The following MCAT variants were observed in gnomAD, a reference collection of about 807,000 sequenced individuals.
The protein encoded by MCAT is malonyl-CoA-acyl carrier protein transacylase, mitochondrial.
Under a neutral mutation model 22.9 loss-of-function variants are expected in MCAT, and 22 were observed. That is an observed-to-expected ratio of 0.96 (90% CI 0.69 to 1.37). MCAT has a LOEUF of 1.37. MCAT is among the 40% of genes most tolerant of loss of function. The probability of loss-of-function intolerance (pLI) is 0.00; values close to 1 mark genes in which losing one functional copy is unlikely to be tolerated. For synonymous variants in MCAT, 240 were observed against 233.9 expected (o/e 1.03, Z -0.24); for missense variants, 534 against 533.6 (o/e 1.00, Z -0.01).
chr22:43,142,796 C>T, intron 1 of MCAT, 130 bp downstream of exon 1: 1 of 901,000 alleles, frequency 1.1e-6, no homozygotes, highest in Non-Finnish European at 1.5e-6. Context: ...CAAAAACAAA[C>T]AAAAAAAAAA....
chr22:43,142,831 G>A, intron 1 of MCAT, 95 bp downstream of exon 1: 1 of 1,294,016 alleles, frequency 7.7e-7, no homozygotes, highest in South Asian at 1.7e-5. Context: ...GTAAGACGTG[G>A]GAGCCCCCGG....
Position 43,133,401 on chromosome 22 carries a change from C to T in MCAT, c.815G>A (p.Arg272His), listed in dbSNP as rs371131732. 18 of 1,613,994 alleles carry T rather than the reference C, an allele frequency of 1.1e-5. No homozygotes were observed. The highest frequency in any genetic ancestry group is 1.6e-4 in the Middle Eastern group (1 of 6,062). ...MLPVSGAFHT[R>H]LMEPAVEPLT... ...GGGCTCCACGGCTGGCTCCATGAGG[C>T]GGGTGTGGAATGCGCCACTAACCGG... is the stretch of plus-strand genomic sequence containing the variant. Residue 272 changes from arginine to histidine, a missense_variant, in exon 4 of 4, where the codon CGC becomes CAC. By Grantham distance (29) the Arg-to-His change is conservative. Coordinates refer to ENST00000290429, the MANE Select transcript of MCAT (RefSeq NM_173467.5).
rs1346949652 is a variant in MCAT, at chr22:43,143,362, C to A, written c.-14G>T. On this transcript the variant is annotated 5_prime_UTR_variant, in exon 1 of 4. Coordinates refer to ENST00000290429, the MANE Select transcript of MCAT (RefSeq NM_173467.5). ...CCGGACGCTCATGGTCGGACACCTG[C>A]CCGCGCGCGTTACCGTGGCGACCGA... 5.9e-6 allele frequency: 8 copies of A among 1,354,356 alleles called. No homozygotes were observed. The highest frequency in any genetic ancestry group is 7.6e-6 in the Non-Finnish European group (8 of 1,058,954). 83.9% of individuals were successfully genotyped at this position (1,354,356 alleles called of 1,614,324 possible).
rs764245496 is a variant in MCAT, at chr22:43,137,191, C to T, written c.619G>A (p.Ala207Thr). The T allele has an allele frequency of 9.9e-6, 16 of 1,614,062 alleles. No individual in the cohort carries two copies. The highest frequency in any genetic ancestry group is 2.2e-5 in the East Asian group (1 of 44,898). ...CAGTGTTCCCGGGCTTCCAAACAGG[C>T]GAAGTTGAACTTGGACTGAGGCTGG... is the stretch of plus-strand genomic sequence containing the variant. ...LGQPQSKFNF[A>T]CLEAREHCKS... The change falls in exon 3 of 4, where the codon GCC (alanine) becomes ACC (threonine). Residue 207 changes from alanine (A) to threonine (T), a missense_variant. Transcript: ENST00000290429.
In MCAT at chr22:43,143,137, C is replaced by A; in HGVS notation, c.212G>T (p.Gly71Val). 6.3e-7 allele frequency: 1 copy of A among 1,595,588 alleles called. No homozygotes were observed. ...GCGGCCCATGCCCACCACCTGGCTGCCCTGGCCCGGGAAGAGCAGCACGGA... is the reference window on the plus strand; with the variant it reads ...GCGGCCCATGCCCACCACCTGGCTGACCTGGCCCGGGAAGAGCAGCACGGA... ...QCSVLLFPGQ[G>V]SQVVGMGRGL... The change falls in exon 1 of 4, where the codon GGC becomes GTC. Residue 71 changes from glycine (G) to valine (V), a missense_variant. By Grantham distance (109) the Gly-to-Val change is moderately radical. Coordinates refer to ENST00000290429, the MANE Select transcript of MCAT (RefSeq NM_173467.5).
At chr22:43,137,735 G>GTTTTTT (rs369123320) in intron 2 of MCAT, among the ~76,000 whole-genome samples, 1 of 146,398 alleles carries the variant, frequency 6.8e-6, no homozygotes, top group East Asian at 2.0e-4. Context: ...TAGCGCCACT[G>GTTTTTT]TTTTTTTTTT....
intron 2 of MCAT, among the ~76,000 whole-genome samples, chr22:43,138,869 C>A (rs1930693306): frequency 6.6e-6 from 1 of 152,196 alleles, no homozygotes; most frequent in African/African-American, 2.4e-5. Flanking sequence ...CAGTGTTTCA[C>A]AGGTCAACAG....
intron 2 of MCAT, among the ~76,000 whole-genome samples, chr22:43,139,437 G>T (rs748658919): frequency 3.9e-5 from 6 of 152,066 alleles, no homozygotes; most frequent in African/African-American, 7.3e-5. Flanking sequence ...GAAGCGGGAG[G>T]ATCACTTGAG....
rs1261644650 is a variant in MCAT, at chr22:43,133,000, C to A, written c.*43G>T. 5 of 1,582,540 alleles carry A rather than the reference C, an allele frequency of 3.2e-6. No homozygotes were observed. The highest frequency in any genetic ancestry group is 1.1e-5 in the South Asian group (1 of 89,664). ...CGACAGGCACAGCCTACAGCCTCTC[C>A]TCAGGAGGACAGAGGGGGTCATCGC... is the stretch of plus-strand genomic sequence containing the variant. On this transcript the variant is annotated 3_prime_UTR_variant, in exon 4 of 4. Coordinates refer to ENST00000290429, the MANE Select transcript of MCAT (RefSeq NM_173467.5).
intron 2 of MCAT, among the ~76,000 whole-genome samples, chr22:43,138,001 C>T (rs190688728): frequency 5.1e-4 from 77 of 149,860 alleles, no homozygotes; most frequent in African/African-American, 1.7e-3. Context: ...TGAGGCAGGA[C>T]GGCTTGAGCC....
In MCAT at chr22:43,143,000, T is replaced by A; in HGVS notation, c.349A>T (p.Thr117Ser). Residue 117 changes from threonine to serine, a missense_variant, in exon 1 of 4, where the codon ACC becomes TCC. By Grantham distance (58) the Thr-to-Ser change is moderately conservative. Transcript: ENST00000290429. ...AAGATCGCGGGCTGACAGTGCACGGTGCGGTCCAGGGTCTCCTGCGGCCCG... is the reference window on the plus strand; with the variant it reads ...AAGATCGCGGGCTGACAGTGCACGGAGCGGTCCAGGGTCTCCTGCGGCCCG... ...LHGPQETLDR[T>S]VHCQPAIFVA... is the part of the protein sequence containing the mutation. The A allele has an allele frequency of 6.2e-7, 1 of 1,607,714 alleles. No individual in the cohort carries two copies. The highest frequency in any genetic ancestry group is 8.5e-7 in the Non-Finnish European group (1 of 1,177,834).
intron 1 of MCAT, 45 bp from the exon 2 acceptor site, chr22:43,141,294 T>C (rs988288711): frequency 1.3e-6 from 2 of 1,540,576 alleles, no homozygotes; most frequent in Non-Finnish European, 1.8e-6. Flanking sequence ...CTCCTGGGGA[T>C]CCCAGTTCCA....
intron 1 of MCAT, among the ~76,000 whole-genome samples, chr22:43,142,015 TATG>T (rs1930782444): frequency 2.6e-5 from 4 of 152,024 alleles, no homozygotes; most frequent in Admixed American, 1.3e-4. Flanking sequence ...GAATGAATAT[TATG>T]ATGACGATTC....
chr22:43,133,791 G>T (rs115040945), intron 3 of MCAT, among the ~76,000 whole-genome samples: 3,172 of 151,740 alleles, frequency 0.021, 113 homozygotes, highest in African/African-American at 0.073. Flanking sequence ...AGAAGTGTTA[G>T]TTCTCAATGA....
intron 2 of MCAT, 38 bp from the exon 3 acceptor site, chr22:43,137,336 C>T (rs753598365): frequency 1.7e-5 from 26 of 1,565,746 alleles, no homozygotes; most frequent in African/African-American, 4.1e-5. Flanking sequence ...AATGAGGGCA[C>T]AGAATGAAGG....
chr22:43,138,812 G>C (rs780688229), intron 2 of MCAT, among the ~76,000 whole-genome samples: 2 of 152,172 alleles, frequency 1.3e-5, no homozygotes, highest in Non-Finnish European at 2.9e-5. Flanking sequence ...TGCTTCCTGG[G>C]CAGAGAGAAG....
Position 43,133,464 on chromosome 22 carries a change from T to G in MCAT, c.752A>C (p.Asn251Thr). Reference protein sequence around the residue: ...HQEALRFLQKNSSKFHFRRTR... With the variant: ...HQEALRFLQKTSSKFHFRRTR... ...GCGTCTGAAATGAAACTTAGAGGAA[T>G]TCTTCTGGAGAAACCGTAGAGCCTG... Residue 251 changes from asparagine (N) to threonine (T), a missense_variant, in exon 4 of 4, where the codon AAT (asparagine) becomes ACT (threonine). Coordinates refer to ENST00000290429, the MANE Select transcript of MCAT (RefSeq NM_173467.5). 6.2e-7 allele frequency: 1 copy of G among 1,612,178 alleles called. No homozygotes were observed.
At chr22:43,142,808 C>A in intron 1 of MCAT, 118 bp downstream of exon 1, 8 of 987,360 alleles carry the variant, frequency 8.1e-6, no homozygotes, top group Non-Finnish European at 1.1e-5. Context: ...AAAAAAAAAA[C>A]TCGATCGAAT....
At chr22:43,139,284 T>C (rs1283570987) in intron 2 of MCAT, among the ~76,000 whole-genome samples, 1 of 152,044 alleles carries the variant, frequency 6.6e-6, no homozygotes, top group Non-Finnish European at 1.5e-5. Context: ...CCCAGCACTG[T>C]AGGAGGCTGA....
Sources: gnomAD v4.1 joint callset for allele counts (sites outside exome capture counted in the v4.1 genomes callset) on GRCh38, gnomAD v4.1.1 for gene constraint, MANE v1.5 for transcripts, NCBI Gene and HGNC (gene_info 2026-07-23, HGNC 2026-07-21) for gene names.